Variants in KCNN2 observed in about 807,000 individuals in gnomAD.
KCNN2 encodes potassium calcium-activated channel subfamily N member 2.
In KCNN2, 24 loss-of-function variants were observed where a neutral mutation model predicts 55.5. The ratio of observed to expected loss-of-function variants is 0.43; its 90% CI spans 0.31 to 0.61. The LOEUF is 0.61. KCNN2 is among the 20% of genes least tolerant of loss of function. The pLI is 0.08. For missense variants in KCNN2, 754 were observed against 853.6 expected, an observed-to-expected ratio of 0.88 and a Z score of 1.45; for synonymous variants, 431 against 336.1, an observed-to-expected ratio of 1.28 and a Z score of -3.09.
chr5:114,292,372 G>T (rs1755909649), intron 2 of KCNN2, among the ~76,000 whole-genome samples: 1 of 152,250 alleles, frequency 6.6e-6, no homozygotes, highest in East Asian at 1.9e-4. Context: ...TTTTGTATAA[G>T]GTGTAAGGAA....
chr5:114,180,046 T>C (rs2112552230), intron 1 of KCNN2, among the ~76,000 whole-genome samples: 1 of 152,330 alleles, frequency 6.6e-6, no homozygotes, highest in Admixed American at 6.5e-5. Context: ...ATATTGGCCA[T>C]ATGTCTTTTC....
chr5:114,057,332 A>G (rs1237849905), intron 1 of KCNN2, among the ~76,000 whole-genome samples: 3 of 152,262 alleles, frequency 2.0e-5, no homozygotes, highest in African/African-American at 7.2e-5. Flanking sequence ...ACTACCCCAC[A>G]GAGTAAGGAG....
chr5:114,120,925 C>T (rs1039899073), intron 1 of KCNN2, among the ~76,000 whole-genome samples: 10 of 152,192 alleles, frequency 6.6e-5, no homozygotes, highest in African/African-American at 2.4e-4. Flanking sequence ...GCTGCTGTGT[C>T]TAGGGAGCAG....
intron 2 of KCNN2, among the ~76,000 whole-genome samples, chr5:114,235,696 A>C (rs892320325): frequency 3.3e-5 from 5 of 152,344 alleles, no homozygotes; most frequent in African/African-American, 9.6e-5. Context: ...TTAAATCTCT[A>C]GTACACAATG....
intron 1 of KCNN2, among the ~76,000 whole-genome samples, chr5:114,148,593 C>T (rs551669058): frequency 1.3e-5 from 2 of 151,836 alleles, no homozygotes; most frequent in East Asian, 1.9e-4. Context: ...CCTGGAGTGT[C>T]GAAAGAAACA....
At chr5:114,408,087 G>T (rs531581469) in intron 3 of KCNN2, among the ~76,000 whole-genome samples, 5 of 152,218 alleles carry the variant, frequency 3.3e-5, no homozygotes, top group African/African-American at 1.2e-4. Context: ...ATGGGTGAGG[G>T]GTTTGGTTCT....
chr5:114,354,467 C>A lies in KCNN2; in HGVS notation c.-184-6478C>A, dbSNP rs935502202. Among the ~76,000 whole-genome samples, 4 of 152,200 alleles carry A rather than the reference C, an allele frequency of 2.6e-5. No homozygotes were observed. In the South Asian group the frequency reaches 6.2e-4, roughly 24 times the overall value. On this transcript the variant is annotated intron_variant, in intron 2 of 10. Transcript: ENST00000512097. Reference sequence around the variant, plus strand: ...GGTATGAATATGAGGGCTAAAACTGCTACAGCTCTTTTTGCTACCATGAGG... The same window carrying A: ...GGTATGAATATGAGGGCTAAAACTGATACAGCTCTTTTTGCTACCATGAGG...
At chr5:114,180,680 A>G (rs963870557) in intron 1 of KCNN2, among the ~76,000 whole-genome samples, 12 of 152,108 alleles carry the variant, frequency 7.9e-5, no homozygotes, top group Non-Finnish European at 1.6e-4. Context: ...AGCTTTGTAG[A>G]TACTGCAACT....
chr5:114,158,486 G>A (rs1353692908), intron 1 of KCNN2, among the ~76,000 whole-genome samples: 1 of 152,022 alleles, frequency 6.6e-6, no homozygotes, highest in Non-Finnish European at 1.5e-5. Context: ...GGCAATGCAG[G>A]CTCTTTTTTG....
At chr5:114,216,749 T>G (rs1754011048) in intron 1 of KCNN2, among the ~76,000 whole-genome samples, 1 of 152,124 alleles carries the variant, frequency 6.6e-6, no homozygotes, top group Non-Finnish European at 1.5e-5. Flanking sequence ...TTTTCATTGT[T>G]GCACTGGATG....
intron 2 of KCNN2, among the ~76,000 whole-genome samples, chr5:114,251,320 C>CAA (rs1331846332): frequency 1.3e-5 from 2 of 152,232 alleles, no homozygotes; most frequent in Non-Finnish European, 2.9e-5. Flanking sequence ...ATCAAAGATT[C>CAA]AAAGGCTTTC....
At chr5:114,175,778 C>T (rs1344861667) in intron 1 of KCNN2, among the ~76,000 whole-genome samples, 2 of 152,124 alleles carry the variant, frequency 1.3e-5, no homozygotes, top group Non-Finnish European at 2.9e-5. Flanking sequence ...AGCCCATAAA[C>T]TAGTTGCAAT....
intron 2 of KCNN2, among the ~76,000 whole-genome samples, chr5:114,240,427 CTTTTTTTTTTT>C (rs201223682): frequency 7.7e-6 from 1 of 130,404 alleles, no homozygotes. Context: ...TTTTCTTTCT[CTTTTTTTTTTT>C]TTTTTTTTTT....
intron 1 of KCNN2, among the ~76,000 whole-genome samples, chr5:114,130,712 C>A (rs1040096312): frequency 6.6e-6 from 1 of 152,158 alleles, no homozygotes; most frequent in African/African-American, 2.4e-5. Flanking sequence ...TTATATACTT[C>A]ATAATTTTTT....
At chr5:114,156,912 TACTC>T (rs1344407450) in intron 1 of KCNN2, among the ~76,000 whole-genome samples, 3 of 152,154 alleles carry the variant, frequency 2.0e-5, no homozygotes, top group Non-Finnish European at 4.4e-5. Flanking sequence ...ATGTTCAAAA[TACTC>T]AAGCAAGTAT....
intron 2 of KCNN2, among the ~76,000 whole-genome samples, chr5:114,366,604 A>C (rs1262789741): frequency 6.6e-6 from 1 of 152,250 alleles, no homozygotes; most frequent in African/African-American, 2.4e-5. Flanking sequence ...ATTTGTCCAG[A>C]GAAGAGCGTC....
At chr5:114,186,310 G>A (rs1753329909) in intron 1 of KCNN2, among the ~76,000 whole-genome samples, 1 of 152,096 alleles carries the variant, frequency 6.6e-6, no homozygotes, top group South Asian at 2.1e-4. Flanking sequence ...AATCATATTT[G>A]AAAGTACTTA....
intron 1 of KCNN2, among the ~76,000 whole-genome samples, chr5:114,135,518 G>A (rs1752156404): frequency 1.3e-5 from 2 of 152,136 alleles, no homozygotes; most frequent in South Asian, 4.1e-4. Context: ...TATTTTCTGG[G>A]ATTTCCAACA....
chr5:114,064,618 C>CT (rs1561460205), intron 1 of KCNN2, among the ~76,000 whole-genome samples: 1 of 152,174 alleles, frequency 6.6e-6, no homozygotes, highest in African/African-American at 2.4e-5. Flanking sequence ...CAGGAAAGGT[C>CT]TTTCTCCATT....
Sources: allele counts gnomAD v4.1 joint callset (sites outside exome capture counted in the v4.1 genomes callset), GRCh38; gene constraint gnomAD v4.1.1; transcripts MANE v1.5; gene names NCBI Gene and HGNC (gene_info 2026-07-23, HGNC 2026-07-21).